The following RAB5A variants were observed in gnomAD, a reference collection of about 807,000 sequenced individuals.
RAB5A encodes ras-related protein Rab-5A.
Under a neutral mutation model 25.7 loss-of-function variants are expected in RAB5A, and 8 were observed. That is an observed-to-expected ratio of 0.31 (90% confidence interval 0.18 to 0.56). RAB5A has a LOEUF of 0.56. Among genes scored for constraint, RAB5A ranks in the 20% least tolerant of loss-of-function variants. The pLI, the probability that RAB5A is intolerant of heterozygous loss-of-function variation, is 0.91. For synonymous variants in RAB5A, 98 were observed against 89.8 expected (o/e 1.09, Z -0.52); for missense variants, 192 against 259.7 (o/e 0.74, Z 1.79).
Position 19,978,325 on chromosome 3 carries a change from G to T in RAB5A, c.454G>T (p.Ala152Ser), listed in dbSNP as rs1254575777. 1.2e-6 allele frequency: 2 copies of T among 1,609,296 alleles called. No homozygotes were observed. The highest frequency in any genetic ancestry group is 4.5e-5 in the East Asian group (2 of 44,732). ...AVDFQEAQSY[A>S]DDNSLLFMET... ...CTGTAAACAGGAAGCACAGTCCTAT[G>T]CAGATGACAATAGTTTATTATTCAT... Residue 152 changes from alanine (A) to serine (S), a missense_variant, in exon 5 of 6, where the codon GCA becomes TCA. Ala to Ser is a moderately conservative substitution (Grantham distance 99, BLOSUM62 1). Transcript: ENST00000273047.
At chr3:19,953,791 T>A (rs941382117) in intron 2 of RAB5A, among the ~76,000 whole-genome samples, 12 of 152,184 alleles carry the variant, frequency 7.9e-5, no homozygotes, top group Admixed American at 2.0e-4. Context: ...ACAGTACCAT[T>A]ATGGTTATAG....
chr3:19,983,454 T>C (rs895139181), intron 5 of RAB5A, among the ~76,000 whole-genome samples: 1 of 152,072 alleles, frequency 6.6e-6, no homozygotes, highest in Admixed American at 6.6e-5. Context: ...TAGTTAGGCT[T>C]AAGTTTTAAT....
At chr3:19,972,812 G>A (rs941926096) in intron 2 of RAB5A, among the ~76,000 whole-genome samples, 1 of 152,116 alleles carries the variant, frequency 6.6e-6, no homozygotes, top group Non-Finnish European at 1.5e-5. Flanking sequence ...CATGTATGGT[G>A]TACATGTATG....
chr3:19,965,520 C>T (rs1406039643), intron 2 of RAB5A, among the ~76,000 whole-genome samples: 5 of 151,538 alleles, frequency 3.3e-5, no homozygotes, highest in East Asian at 3.9e-4. Flanking sequence ...TTGGGTGTCC[C>T]GTAAGGGTTG....
At chr3:19,957,985 A>C (rs574672662) in intron 2 of RAB5A, among the ~76,000 whole-genome samples, 1 of 152,354 alleles carries the variant, frequency 6.6e-6, no homozygotes, top group Admixed American at 6.5e-5. Context: ...AAAGCTTTCT[A>C]CAATTGCCCT....
intron 2 of RAB5A, among the ~76,000 whole-genome samples, chr3:19,957,976 A>T (rs1052465839): frequency 4.6e-5 from 7 of 152,202 alleles, no homozygotes; most frequent in African/African-American, 7.2e-5. Context: ...CAGTAGTAGA[A>T]AGCTTTCTAC....
chr3:19,949,378 ATTTC>A (rs1425348021), intron 1 of RAB5A, among the ~76,000 whole-genome samples: 2 of 152,038 alleles, frequency 1.3e-5, no homozygotes, highest in African/African-American at 4.8e-5. Context: ...GGAAAGGCAT[ATTTC>A]TTTCTTTTGT....
At chr3:19,975,523 G>C (rs899201015) in intron 2 of RAB5A, 78 bp from the exon 3 acceptor site, 1 of 1,386,408 alleles carries the variant, frequency 7.2e-7, no homozygotes, top group South Asian at 1.4e-5. Context: ...TTTGATAGAT[G>C]TATACAAGCA....
At chr3:19,982,852 A>T (rs1054138394) in intron 5 of RAB5A, among the ~76,000 whole-genome samples, 12 of 152,162 alleles carry the variant, frequency 7.9e-5, no homozygotes, top group African/African-American at 2.7e-4. Flanking sequence ...ATGATCTATC[A>T]CAATTCGGGG....
intron 2 of RAB5A, among the ~76,000 whole-genome samples, chr3:19,951,595 A>AATG (rs1265220872): frequency 1.3e-5 from 2 of 152,012 alleles, no homozygotes. Context: ...TCCGGATCAT[A>AATG]GCTCACTGCA....
chr3:19,949,449 T>A lies in RAB5A; in HGVS notation c.-93-1357T>A, dbSNP rs186820847. Among the ~76,000 whole-genome samples the A allele has an allele frequency of 3.5e-4, 54 of 152,292 alleles. No homozygotes were observed. In the East Asian group the frequency reaches 0.01, roughly 29 times the overall value. ...GCCCAGGCTGGTCTCAGAGTCCTCCTGCCTCACCCCCAAAGTGTTGGGATT... is the reference window on the plus strand; with the variant it reads ...GCCCAGGCTGGTCTCAGAGTCCTCCAGCCTCACCCCCAAAGTGTTGGGATT... On this transcript the variant is annotated intron_variant, in intron 1 of 5. Coordinates refer to ENST00000273047, the MANE Select transcript of RAB5A (RefSeq NM_004162.5).
In RAB5A at chr3:19,976,101, C is replaced by G. The variant is rs779797281; in HGVS notation, c.370C>G (p.Pro124Ala). 1.2e-6 allele frequency: 2 copies of G among 1,613,170 alleles called. No individual in the cohort carries two copies. ...TAAAGAACTTCAGAGGCAAGCAAGT[C>G]CTAACATTGTAATAGCTTTATCGGG... Reference protein sequence around the residue: ...WVKELQRQASPNIVIALSGNK... With the variant: ...WVKELQRQASANIVIALSGNK... Residue 124 changes from proline to alanine, a missense_variant, in exon 4 of 6, where the codon CCT (proline) becomes GCT (alanine). Physicochemically the swap from Pro to Ala is conservative, Grantham distance 27 (BLOSUM62 -1). This residue lies in a region of RAB5A where 121 missense variants were observed against 135.7 expected (regional missense o/e 0.89). Coordinates refer to ENST00000273047, the MANE Select transcript of RAB5A (RefSeq NM_004162.5).
Position 19,977,571 on chromosome 3 carries a change from A to C in RAB5A, c.439-739A>C, listed in dbSNP as rs138975974. Among the ~76,000 whole-genome samples the C allele has an allele frequency of 3.2e-4, 49 of 152,328 alleles. No individual in the cohort carries two copies. In the East Asian group the frequency reaches 8.1e-3, roughly 25 times the overall value. On this transcript the variant is annotated intron_variant, in intron 4 of 5. Coordinates refer to ENST00000273047, the MANE Select transcript of RAB5A (RefSeq NM_004162.5). ...TGTAATTTTATTTAATTCTTAGGAC[A>C]ACGATGTGAGATGTAGTATCCATTA...
intron 5 of RAB5A, among the ~76,000 whole-genome samples, chr3:19,982,278 A>C (rs1234488269): frequency 6.6e-6 from 1 of 152,150 alleles, no homozygotes; most frequent in Non-Finnish European, 1.5e-5. Flanking sequence ...CATTCAAACT[A>C]AGATCACAAC....
chr3:19,961,679 A>G (rs949919014), intron 2 of RAB5A, among the ~76,000 whole-genome samples: 26 of 152,134 alleles, frequency 1.7e-4, no homozygotes, highest in Non-Finnish European at 2.9e-4. Flanking sequence ...AAAATTCAAG[A>G]AGTTTATAAG....
At chr3:19,957,372 TA>T (rs1559486632) in intron 2 of RAB5A, among the ~76,000 whole-genome samples, 1 of 151,622 alleles carries the variant, frequency 6.6e-6, no homozygotes, top group Non-Finnish European at 1.5e-5. Context: ...TCCTCACCAT[TA>T]AAAAATAGTA....
chr3:19,978,415 A>G lies in RAB5A; in HGVS notation c.532+12A>G, dbSNP rs1229567856. ...ATTCATGGCAATAGGTAAGATTAATATCTCTTTTTAAATGATCAATATAAG... is the reference window on the plus strand; with the variant it reads ...ATTCATGGCAATAGGTAAGATTAATGTCTCTTTTTAAATGATCAATATAAG... On this transcript the variant is annotated intron_variant, in intron 5 of 5. Coordinates refer to ENST00000273047, the MANE Select transcript of RAB5A (RefSeq NM_004162.5). 2 of 1,532,450 alleles carry G rather than the reference A, an allele frequency of 1.3e-6. No homozygotes were observed. Among genetic ancestry groups the G allele is most frequent in the South Asian group, 2.3e-5 (2 of 88,684 alleles). 94.9% of individuals were successfully genotyped at this position (1,532,450 alleles called of 1,614,324 possible). A position where few individuals can be genotyped will look rare whatever the true frequency, so the allele number is the denominator to read the frequency against.
At chr3:19,971,836 G>C (rs1228859681) in intron 2 of RAB5A, among the ~76,000 whole-genome samples, 2 of 152,128 alleles carry the variant, frequency 1.3e-5, no homozygotes, top group Admixed American at 6.6e-5. Context: ...GTTACAACTT[G>C]AGTAGATACC....
intron 2 of RAB5A, 188 bp downstream of exon 2, chr3:19,951,249 TG>T: frequency 1.7e-6 from 1 of 588,836 alleles, no homozygotes; most frequent in Non-Finnish European, 2.8e-6. Context: ...TATATTTGAT[TG>T]TTTGGTTAAT....
Sources: gnomAD v4.1 joint callset for allele counts (sites outside exome capture counted in the v4.1 genomes callset) on GRCh38, gnomAD v4.1.1 for gene constraint, gnomAD v4.1.1 regional missense constraint, MANE v1.5 for transcripts, NCBI Gene and HGNC (gene_info 2026-07-23, HGNC 2026-07-21) for gene names.